The following OGG1 variants were observed in gnomAD, a reference collection of about 807,000 sequenced individuals.
The protein encoded by OGG1 is N-glycosylase/DNA lyase.
In OGG1, 35 loss-of-function variants were observed where a neutral mutation model predicts 42.3. The observed-to-expected ratio is 0.83, with a 90% confidence interval of 0.63 to 1.10. The LOEUF is 1.10. OGG1 is among the 50% of genes least tolerant of loss of function. The pLI, the probability that OGG1 is intolerant of heterozygous loss-of-function variation, is 0.00. For missense variants in OGG1, 484 were observed against 446.7 expected, an observed-to-expected ratio of 1.08 and a Z score of -0.75; for synonymous variants, 189 against 179.0, an observed-to-expected ratio of 1.06 and a Z score of -0.44.
At chr3:9,782,788 C>T (rs1575294822) in intron 3 of OGG1, among the ~76,000 whole-genome samples, 1 of 82,690 alleles carries the variant, frequency 1.2e-5, no homozygotes, top group South Asian at 4.4e-4. Context: ...GAGACACCGT[C>T]TCAAAAAAAA....
downstream of OGG1, among the ~76,000 whole-genome samples, chr3:9,770,984 C>CTCTT (rs111823516): frequency 4.3e-3 from 660 of 151,974 alleles, 3 homozygotes; most frequent in South Asian, 8.3e-3. Context: ...TTTCCTTTTT[C>CTCTT]TCTTTCTTTC....
At chr3:9,787,867 T>C in exon 4 of OGG1, 2 of 464,522 alleles carry the variant, frequency 4.3e-6, no homozygotes, top group Non-Finnish European at 7.7e-6. Flanking sequence ...ATCAGGGCCT[T>C]GAAGGGTGAG....
chr3:9,782,352 A>T (rs1172059275), intron 3 of OGG1, among the ~76,000 whole-genome samples: 1 of 152,204 alleles, frequency 6.6e-6, no homozygotes, highest in African/African-American at 2.4e-5. Flanking sequence ...ATTTCGCTTC[A>T]CTGGGCCTTT....
chr3:9,757,233 A>G lies in OGG1; in HGVS notation c.*83A>G. 3 of 1,613,858 alleles carry G rather than the reference A, an allele frequency of 1.9e-6. No individual in the cohort carries two copies. Among genetic ancestry groups the G allele is most frequent in the Non-Finnish European group, 2.5e-6 (3 of 1,179,882 alleles). ...TCTCTCCCCATCCCCACCCAGTCTC[A>G]TGTTGGGGAGGGGCCTCCCTGTGAC... On this transcript the variant is annotated 3_prime_UTR_variant, in exon 7 of 7. Transcript: ENST00000344629. This position sits in a 1 kb window ranked among gnomAD's most constrained non-coding sequence, Gnocchi z 4.5.
intron 2 of OGG1, among the ~76,000 whole-genome samples, chr3:9,775,137 G>A (rs2078348998): frequency 1.3e-5 from 2 of 151,984 alleles, no homozygotes; most frequent in Non-Finnish European, 2.9e-5. Context: ...CTACTCGGGA[G>A]GTTGAGGCAG....
At chr3:9,787,021 C>T (rs1290867923) in intron 3 of OGG1, 1 of 1,614,110 alleles carries the variant, frequency 6.2e-7, no homozygotes, top group Admixed American at 1.7e-5. Flanking sequence ...CCAGGGCCTG[C>T]AGGAGGCGCT....
chr3:9,761,803 A>G, downstream of OGG1: 1 of 1,608,176 alleles, frequency 6.2e-7, no homozygotes, highest in East Asian at 2.2e-5. Flanking sequence ...AGATGGTTAG[A>G]GGCTGGTAGA....
chr3:9,766,566 G>A, exon 8 of OGG1: 1 of 760,792 alleles, frequency 1.3e-6, no homozygotes, highest in East Asian at 7.1e-5. Context: ...AAAATCCTCA[G>A]GTGATTTGTA....
At chr3:9,764,476 C>G (rs1003418006) in intron 7 of OGG1, among the ~76,000 whole-genome samples, 3 of 151,994 alleles carry the variant, frequency 2.0e-5, no homozygotes, top group African/African-American at 4.8e-5. Context: ...CCATGTCCAG[C>G]TAATTTTGTA....
At chr3:9,750,647 T>C in intron 1 of OGG1, 2 of 726,386 alleles carry the variant, frequency 2.8e-6, no homozygotes, top group Middle Eastern at 2.5e-4. Context: ...AGCACTTGTT[T>C]TTCTTTTTTT....
rs2077236820 is a variant in OGG1 at position 9,750,312 on chromosome 3, G to GC, written c.26_27insC (p.Arg9SerfsTer24). 1 of 1,613,048 alleles carries GC rather than the reference G, an allele frequency of 6.2e-7. No homozygotes were observed. Among genetic ancestry groups the GC allele is most frequent in the African/African-American group, 1.3e-5 (1 of 74,920 alleles). ...ATGCCTGCCCGCGCGCTTCTGCCCA[G>GC]GCGCATGGGGCATCGTACTCTAGCC... On this transcript the variant is annotated frameshift_variant, in exon 1 of 7. Coordinates refer to ENST00000344629, the MANE Select transcript of OGG1 (RefSeq NM_002542.6). LOFTEE classifies it high-confidence loss of function.
chr3:9,787,129 G>GA, intron 3 of OGG1: 1 of 1,614,192 alleles, frequency 6.2e-7, no homozygotes, highest in East Asian at 2.2e-5. Context: ...CACAGGAAAG[G>GA]AGGGGAGGTG....
chr3:9,756,572 T>C lies in OGG1; in HGVS notation c.849T>C (p.Pro283=). ...CCCAACGTGACTACAGCTGGCACCC[T>C]ACCACGTCCCAGGCGAAGGGACCGA... ...HIAQRDYSWH[P]TTSQAKGPSP... Residue 283 remains proline, a synonymous_variant, in exon 5 of 7, where the codon CCT becomes CCC. Coordinates refer to ENST00000344629, the MANE Select transcript of OGG1 (RefSeq NM_002542.6). The C allele has an allele frequency of 6.2e-7, 1 of 1,614,192 alleles. No homozygotes were observed. The highest frequency in any genetic ancestry group is 2.2e-5 in the East Asian group (1 of 44,878).
chr3:9,760,771 G>A (rs2125574218), downstream of OGG1: 1 of 1,613,976 alleles, frequency 6.2e-7, no homozygotes, highest in East Asian at 2.2e-5. Context: ...CGCAGAGCCT[G>A]GGCAGGGAGA....
exon 4 of OGG1, chr3:9,787,985 G>A: frequency 3.1e-6 from 1 of 325,500 alleles, no homozygotes; most frequent in East Asian, 8.0e-5. Context: ...TGGTGGGACT[G>A]GTCAACACGG....
chr3:9,773,228 C>CAAAAAA (rs76519627), intron 2 of OGG1, among the ~76,000 whole-genome samples: 1 of 94,774 alleles, frequency 1.1e-5, no homozygotes, highest in African/African-American at 3.8e-5. Context: ...GACTACATCT[C>CAAAAAA]AAAAAAAAAA....
At chr3:9,769,156 C>T (rs1285511044), downstream of OGG1, among the ~76,000 whole-genome samples, 2 of 151,934 alleles carry the variant, frequency 1.3e-5, no homozygotes, top group African/African-American at 2.4e-5. Flanking sequence ...CACCCGAACA[C>T]CTGCCTGTCC....
At chr3:9,781,368 A>C (rs1355864925) in intron 2 of OGG1, 1 of 391,622 alleles carries the variant, frequency 2.6e-6, no homozygotes, top group Admixed American at 2.7e-5. Flanking sequence ...TAATCCTAAC[A>C]ACCCTGCAAA....
chr3:9,764,134 C>T, intron 7 of OGG1, among the ~76,000 whole-genome samples: 1 of 152,186 alleles, frequency 6.6e-6, no homozygotes, highest in East Asian at 1.9e-4. Flanking sequence ...TTTAATGTAA[C>T]CTCTCTGAAC....
Sources: gnomAD v4.1 joint callset for allele counts (sites outside exome capture counted in the v4.1 genomes callset) on GRCh38, gnomAD v4.1.1 for gene constraint, Gnocchi (gnomAD v3.1) non-coding constraint, MANE v1.5 for transcripts, NCBI Gene and HGNC (gene_info 2026-07-23, HGNC 2026-07-21) for gene names.